ZNF629: variants seen among roughly 807,000 people sequenced by gnomAD.
The protein encoded by ZNF629 is DNA-binding protein.
Under a neutral mutation model 59.7 loss-of-function variants are expected in ZNF629, and 9 were observed. The ratio of observed to expected loss-of-function variants is 0.15; its 90% CI spans 0.09 to 0.26. The LOEUF is 0.26. Ranked by LOEUF, ZNF629 falls within the 10% of genes least tolerant of loss-of-function variation. The probability of loss-of-function intolerance (pLI) is 1.00; values close to 1 mark genes in which losing one functional copy is unlikely to be tolerated. For synonymous variants in ZNF629, 509 were observed against 498.9 expected, an observed-to-expected ratio of 1.02 and a Z score of -0.27; for missense variants, 853 against 1,165.4, an observed-to-expected ratio of 0.73 and a Z score of 3.90.
rs1449635625 is a variant in ZNF629, at chr16:30,781,701, T to G, written c.*17A>C. ...TCCTCTCTGGAGAGAGCGAGGCCCC[T>G]GGTCTCCAGACCCATTTCACAGGGA... is the stretch of plus-strand genomic sequence containing the variant. On this transcript the variant is annotated 3_prime_UTR_variant, in exon 3 of 3. Coordinates refer to ENST00000262525, the MANE Select transcript of ZNF629 (RefSeq NM_001080417.3). 1 of 1,584,408 alleles carries G rather than the reference T, an allele frequency of 6.3e-7. No individual in the cohort carries two copies. Among genetic ancestry groups the G allele is most frequent in the Admixed American group, 1.9e-5 (1 of 53,604 alleles).
At position 30,783,891 on chromosome 16, in the gene ZNF629, G is replaced by A. The variant is rs1000611485; in HGVS notation, c.437C>T (p.Ala146Val). The A allele has an allele frequency of 2.5e-6, 4 of 1,599,906 alleles. No homozygotes were observed. The highest frequency in any genetic ancestry group is 3.4e-6 in the Non-Finnish European group (4 of 1,172,352). The change falls in exon 3 of 3, where the codon GCG (alanine) becomes GTG (valine). Residue 146 changes from alanine (A) to valine (V), a missense_variant. By Grantham distance (64) the Ala-to-Val change is moderately conservative. This residue lies in a region of ZNF629 where 232 missense variants were observed against 193.4 expected (regional missense o/e 1.20). Transcript: ENST00000262525. ...CTCGTTGCAGATGTAGGGCTTCTCC[G>A]CCCCCGCCGGGCGGCCCTGCACCAG... The part of the protein sequence containing the change: ...RELVQGRPAG[A>V]EKPYICNECG...
In ZNF629 at chr16:30,780,545, T is replaced by C; in HGVS notation, c.*1173A>G. On this transcript the variant is annotated 3_prime_UTR_variant, in exon 3 of 3. Coordinates refer to ENST00000262525, the MANE Select transcript of ZNF629 (RefSeq NM_001080417.3). Reference sequence around the variant, plus strand: ...TCTCCCTCTCCACTGAGGACAGAATTTGAGGAAATGAGCTGCCACTGGCGG... The same window carrying C: ...TCTCCCTCTCCACTGAGGACAGAATCTGAGGAAATGAGCTGCCACTGGCGG... 6.6e-6 allele frequency: 1 copy of C among 152,520 alleles called. No homozygotes were observed. Among genetic ancestry groups the C allele is most frequent in the East Asian group, 1.9e-4 (1 of 5,184 alleles). The allele number at this position is 152,520 out of a possible 1,614,324, so 9.4% of individuals were successfully genotyped here. A position where few individuals can be genotyped will look rare whatever the true frequency, so the allele number is the denominator to read the frequency against.
rs1275252357 is a variant in ZNF629, at chr16:30,779,692, A to G, written c.*2026T>C. The G allele has an allele frequency of 6.6e-6, 1 of 152,218 alleles. No homozygotes were observed. Among genetic ancestry groups the G allele is most frequent in the African/African-American group, 2.4e-5 (1 of 41,440 alleles). 9.4% of individuals were successfully genotyped at this position (152,218 alleles called of 1,614,324 possible). A position where few individuals can be genotyped will look rare whatever the true frequency, so the allele number is the denominator to read the frequency against. ...CATCCTGCTGGGGCCAGGATAGACA[A>G]ATGGCGAAGGATTTGCATAAAGGTT... On this transcript the variant is annotated 3_prime_UTR_variant, in exon 3 of 3. Transcript: ENST00000262525.
chr16:30,783,167 G>A lies in ZNF629; in HGVS notation c.1161C>T (p.Ala387=). ...PVCGKTFTLS[A]TLLRHQRTHT... is the part of the protein sequence containing the mutation. ...GCGTGCGCTGGTGCCGCAGCAACGT[G>A]GCGCTCAGGGTGAAGGTCTTGCCGC... Residue 387 remains alanine (A), a synonymous_variant, in exon 3 of 3, where the codon GCC becomes GCT. Transcript: ENST00000262525. 6.2e-7 allele frequency: 1 copy of A among 1,611,484 alleles called. No individual in the cohort carries two copies. Among genetic ancestry groups the A allele is most frequent in the Non-Finnish European group, 8.5e-7 (1 of 1,179,312 alleles).
rs1255748088 is a variant in ZNF629, at chr16:30,783,175, G to A, written c.1153C>T (p.Leu385=). ...KCPVCGKTFT[L]SATLLRHQRT... ...TGGTGCCGCAGCAACGTGGCGCTCA[G>A]GGTGAAGGTCTTGCCGCACACTGGG... is the stretch of plus-strand genomic sequence containing the variant. Residue 385 remains leucine, a synonymous_variant, in exon 3 of 3, where the codon CTG becomes TTG. Transcript: ENST00000262525. 2 of 1,613,074 alleles carry A rather than the reference G, an allele frequency of 1.2e-6. No homozygotes were observed. Among genetic ancestry groups the A allele is most frequent in the East Asian group, 2.2e-5 (1 of 44,790 alleles).
At position 30,783,755 on chromosome 16, in the gene ZNF629, C is replaced by T. The variant is rs2054304798; in HGVS notation, c.573G>A (p.Ser191=). The change falls in exon 3 of 3, where the codon TCG becomes TCA. Residue 191 remains serine (S), a synonymous_variant. Coordinates refer to ENST00000262525, the MANE Select transcript of ZNF629 (RefSeq NM_001080417.3). Reference sequence around the variant, plus strand: ...GCGTGCGCTGGTGCTGCACCAGGTGCGAGCTCTGCGTGAAGCTCTTGCCGC... The same window carrying T: ...GCGTGCGCTGGTGCTGCACCAGGTGTGAGCTCTGCGTGAAGCTCTTGCCGC... ...SECGKSFTQS[S]HLVQHQRTHT... is the part of the protein sequence containing the mutation. 1.2e-6 allele frequency: 2 copies of T among 1,607,366 alleles called. No homozygotes were observed. The highest frequency in any genetic ancestry group is 1.7e-6 in the Non-Finnish European group (2 of 1,177,280).
rs1392825651 is a variant in ZNF629, at chr16:30,782,946, G to C, written c.1382C>G (p.Ser461Cys). ...GCGGATGAAGCTCTTGCCGCAGTCG[G>C]AACACTTGTAGGGCTTCTCACCGGT... Reference protein sequence around the residue: ...IHTGEKPYKCSDCGKSFIRSS... With the variant: ...IHTGEKPYKCCDCGKSFIRSS... The change falls in exon 3 of 3, where the codon TCC becomes TGC. Residue 461 changes from serine (S) to cysteine (C), a missense_variant. Physicochemically the swap from Ser to Cys is moderately radical, Grantham distance 112. Coordinates refer to ENST00000262525, the MANE Select transcript of ZNF629 (RefSeq NM_001080417.3). 3 of 1,613,566 alleles carry C rather than the reference G, an allele frequency of 1.9e-6. No individual in the cohort carries two copies. The highest frequency in any genetic ancestry group is 1.1e-5 in the South Asian group (1 of 91,020).
Position 30,784,183 on chromosome 16 carries a change from G to C in ZNF629, c.145C>G (p.Pro49Ala), listed in dbSNP as rs950983239. The change falls in exon 3 of 3, where the codon CCG becomes GCG. Residue 49 changes from proline (P) to alanine (A), a missense_variant. Around this residue, in one of 3 missense-constraint regions of ZNF629, gnomAD observed 232 missense variants for 193.4 expected, o/e 1.20. Transcript: ENST00000262525. ...TCCTTGGATTCTGGACTCTGAGCCGGGTCTCCCATGATGATCTCCTCCCCA... is the reference window on the plus strand; with the variant it reads ...TCCTTGGATTCTGGACTCTGAGCCGCGTCTCCCATGATGATCTCCTCCCCA... Reference protein sequence around the residue: ...SSGEEIIMGDPAQSPESKDST... With the variant: ...SSGEEIIMGDAAQSPESKDST... 7 of 1,609,406 alleles carry C rather than the reference G, an allele frequency of 4.3e-6. No homozygotes were observed. Among genetic ancestry groups the C allele is most frequent in the Non-Finnish European group, 5.9e-6 (7 of 1,178,970 alleles).
chr16:30,784,232 C>T lies in ZNF629; in HGVS notation c.96G>A (p.Glu32=). 2 of 1,604,228 alleles carry T rather than the reference C, an allele frequency of 1.2e-6. No homozygotes were observed. The highest frequency in any genetic ancestry group is 2.2e-5 in the South Asian group (2 of 89,986). ...AHRGAESENE[E]ESPRQESSGE... ...CAGAACTTTCCTGCCGAGGGCTCTCCTCTTCGTTTTCACTCTCGGCACCTA... is the reference window on the plus strand; with the variant it reads ...CAGAACTTTCCTGCCGAGGGCTCTCTTCTTCGTTTTCACTCTCGGCACCTA... Residue 32 remains glutamate, a synonymous_variant, in exon 3 of 3, where the codon GAG becomes GAA. Coordinates refer to ENST00000262525, the MANE Select transcript of ZNF629 (RefSeq NM_001080417.3).
At position 30,784,102 on chromosome 16, in the gene ZNF629, G is replaced by A; in HGVS notation, c.226C>T (p.Pro76Ser). The stretch of plus-strand genomic sequence containing the variant: ...TTGGAGTGACCCAGTGGGGTTGGGG[G>A]GTTCTGGGGGACAGAGGGGTCCTGG... ...SSQDPSVPQNPPTPLGHSNPL... is the reference protein window; with the variant it reads ...SSQDPSVPQNSPTPLGHSNPL... Residue 76 changes from proline (P) to serine (S), a missense_variant, in exon 3 of 3, where the codon CCC becomes TCC. Physicochemically the swap from Pro to Ser is moderately conservative, Grantham distance 74. This residue lies in a region of ZNF629 where 232 missense variants were observed against 193.4 expected (regional missense o/e 1.20). Transcript: ENST00000262525. The A allele has an allele frequency of 6.2e-7, 1 of 1,606,296 alleles. No homozygotes were observed.
chr16:30,784,449 G>A lies in ZNF629; in HGVS notation c.34C>T (p.Leu12=), dbSNP rs761598514. Reference sequence around the variant, plus strand: ...TTGGGGCTCTGTTCCGGACCCTGCAGATCCGGGCCCCACAGCGCAGTCTCG... The same window carrying A: ...TTGGGGCTCTGTTCCGGACCCTGCAAATCCGGGCCCCACAGCGCAGTCTCG... ...EPETALWGPD[L]QGPEQSPNDA... is the part of the protein sequence containing the mutation. Residue 12 remains leucine (L), a synonymous_variant, in exon 2 of 3, where the codon CTG becomes TTG. Coordinates refer to ENST00000262525, the MANE Select transcript of ZNF629 (RefSeq NM_001080417.3). The A allele has an allele frequency of 1.9e-6, 3 of 1,564,752 alleles. No individual in the cohort carries two copies. Among genetic ancestry groups the A allele is most frequent in the Middle Eastern group, 1.7e-4 (1 of 6,034 alleles).
Position 30,784,394 on chromosome 16 carries a change from T to G in ZNF629, c.73+16A>C. On this transcript the variant is annotated intron_variant, in intron 2 of 2. Transcript: ENST00000262525. Reference sequence around the variant, plus strand: ...ACCGTCTTGCCGGGACCGCAGCCCCTTCTTGTGCCCCTCACCTCTGTGAGC... The same window carrying G: ...ACCGTCTTGCCGGGACCGCAGCCCCGTCTTGTGCCCCTCACCTCTGTGAGC... 1.9e-6 allele frequency: 3 copies of G among 1,559,752 alleles called. No individual in the cohort carries two copies. The highest frequency in any genetic ancestry group is 2.6e-6 in the Non-Finnish European group (3 of 1,154,338).
chr16:30,779,166 T>G lies in ZNF629; in HGVS notation c.*2552A>C, dbSNP rs552066307. 1 of 152,240 alleles carries G rather than the reference T, an allele frequency of 6.6e-6. No homozygotes were observed. Among genetic ancestry groups the G allele is most frequent in the East Asian group, 1.9e-4 (1 of 5,182 alleles). 9.4% of individuals were successfully genotyped at this position (152,240 alleles called of 1,614,324 possible). A position where few individuals can be genotyped will look rare whatever the true frequency, so the allele number is the denominator to read the frequency against. ...GTACAAGAGCCAAGCCCCTTAGCCC[T>G]CACCCATCCCTACAACATGTGAGCA... On this transcript the variant is annotated 3_prime_UTR_variant, in exon 3 of 3. Coordinates refer to ENST00000262525, the MANE Select transcript of ZNF629 (RefSeq NM_001080417.3).
Position 30,782,671 on chromosome 16 carries a change from C to T in ZNF629, c.1657G>A (p.Gly553Arg). 6.3e-7 allele frequency: 1 copy of T among 1,595,856 alleles called. No homozygotes were observed. The highest frequency in any genetic ancestry group is 8.5e-7 in the Non-Finnish European group (1 of 1,171,596). ...ARRAQGDSLL[G>R]LGDPSLLTPP... ...GTCAGCAGGGAGGGGTCCCCGAGCC[C>T]CAGCAGGCTGTCGCCCTGGGCCCTA... is the stretch of plus-strand genomic sequence containing the variant. The change falls in exon 3 of 3, where the codon GGG becomes AGG. Residue 553 changes from glycine (G) to arginine (R), a missense_variant. By Grantham distance (125) the Gly-to-Arg change is moderately radical. Coordinates refer to ENST00000262525, the MANE Select transcript of ZNF629 (RefSeq NM_001080417.3).
At position 30,782,648 on chromosome 16, in the gene ZNF629, C is replaced by T. The variant is rs1212988280; in HGVS notation, c.1680G>A (p.Leu560=). 1 of 1,579,766 alleles carries T rather than the reference C, an allele frequency of 6.3e-7. No individual in the cohort carries two copies. Among genetic ancestry groups the T allele is most frequent in the African/African-American group, 1.4e-5 (1 of 73,964 alleles). The part of the protein sequence containing the change: ...SLLGLGDPSL[L]TPPPGAKPHK... ...GCGGCTTGGCTCCCGGCGGCGGGGT[C>T]AGCAGGGAGGGGTCCCCGAGCCCCA... The change falls in exon 3 of 3, where the codon CTG becomes CTA. Residue 560 remains leucine (L), a synonymous_variant. Transcript: ENST00000262525.
At position 30,783,950 on chromosome 16, in the gene ZNF629, T is replaced by C; in HGVS notation, c.378A>G (p.Pro126=). Residue 126 remains proline (P), a synonymous_variant, in exon 3 of 3, where the codon CCA becomes CCG. Transcript: ENST00000262525. ...WGALTTWNSP[P]VVPANEPSLR... ...GGCTGGGCTCGTTGGCGGGGACGACTGGGGGGCTGTTCCATGTGGTGAGAG... is the reference window on the plus strand; with the variant it reads ...GGCTGGGCTCGTTGGCGGGGACGACCGGGGGGCTGTTCCATGTGGTGAGAG... The C allele has an allele frequency of 6.3e-7, 1 of 1,587,988 alleles. No homozygotes were observed. The highest frequency in any genetic ancestry group is 8.6e-7 in the Non-Finnish European group (1 of 1,166,994).
At position 30,786,916 on chromosome 16, in the gene ZNF629, G is replaced by A. The variant is rs890443704; in HGVS notation, c.-34+112C>T. The A allele has an allele frequency of 3.3e-5, 5 of 151,806 alleles. No homozygotes were observed. Among genetic ancestry groups the A allele is most frequent in the African/African-American group, 9.7e-5 (4 of 41,324 alleles). 9.4% of individuals were successfully genotyped at this position (151,806 alleles called of 1,614,324 possible). A position where few individuals can be genotyped will look rare whatever the true frequency, so the allele number is the denominator to read the frequency against. On this transcript the variant is annotated intron_variant, in intron 1 of 2. Coordinates refer to ENST00000262525, the MANE Select transcript of ZNF629 (RefSeq NM_001080417.3). This position sits in a 1 kb window ranked among gnomAD's most constrained non-coding sequence, Gnocchi z 4.8. ...CCCGGCCACAGCCCCGGGCGCGGGTGGGGGGCTCAGGCCCGGGCTCCCGGC... is the reference window on the plus strand; with the variant it reads ...CCCGGCCACAGCCCCGGGCGCGGGTAGGGGGCTCAGGCCCGGGCTCCCGGC...
chr16:30,779,462 G>A lies in ZNF629; in HGVS notation c.*2256C>T, dbSNP rs1302817421. ...CTCATTCTTACAGGGCACCCCCTTC[G>A]TTGGCGTTCTGTTAGGAAGAGACCC... is the stretch of plus-strand genomic sequence containing the variant. On this transcript the variant is annotated 3_prime_UTR_variant, in exon 3 of 3. Coordinates refer to ENST00000262525, the MANE Select transcript of ZNF629 (RefSeq NM_001080417.3). 1 of 152,144 alleles carries A rather than the reference G, an allele frequency of 6.6e-6. No homozygotes were observed. Among genetic ancestry groups the A allele is most frequent in the Non-Finnish European group, 1.5e-5 (1 of 68,052 alleles). 9.4% of individuals were successfully genotyped at this position (152,144 alleles called of 1,614,324 possible). A position where few individuals can be genotyped will look rare whatever the true frequency, so the allele number is the denominator to read the frequency against.
rs762815089 is a variant in ZNF629, at chr16:30,783,314, G to C, written c.1014C>G (p.Arg338=). Residue 338 remains arginine, a synonymous_variant, in exon 3 of 3, where the codon CGC becomes CGG. Transcript: ENST00000262525. ...IQSSELTQHQ[R]THTGEKPYEC... is the part of the protein sequence containing the mutation. ...CGTAGGGCTTCTCGCCTGTGTGCGT[G>C]CGCTGGTGCTGGGTCAGCTCCGAGC... The C allele has an allele frequency of 2.5e-6, 4 of 1,614,058 alleles. No homozygotes were observed. The South Asian group carries it at 4.4e-5, about 18-fold the overall frequency.
Sources: allele counts gnomAD v4.1 joint callset, GRCh38; gene constraint gnomAD v4.1.1; regional missense constraint gnomAD v4.1.1; non-coding constraint Gnocchi (gnomAD v3.1); transcripts MANE v1.5; gene names NCBI Gene and HGNC (gene_info 2026-07-23, HGNC 2026-07-21).